INO80D: variants seen among roughly 807,000 people sequenced by gnomAD.
The protein encoded by INO80D is INO80 complex subunit D.
A neutral mutation model predicts 87.6 loss-of-function variants in INO80D; 21 were observed. The observed-to-expected ratio is 0.24, with a 90% CI of 0.17 to 0.35. The LOEUF is 0.35. INO80D is among the 10% of genes least tolerant of loss of function. The probability of loss-of-function intolerance (pLI) is 1.00; values close to 1 mark genes in which losing one functional copy is unlikely to be tolerated. For missense variants in INO80D, 982 were observed against 1,280.7 expected, an observed-to-expected ratio of 0.77 and a Z score of 3.56; for synonymous variants, 440 against 491.0, an observed-to-expected ratio of 0.90 and a Z score of 1.37.
In INO80D at chr2:206,084,315, C is replaced by T. The variant is rs981604600; in HGVS notation, c.-124+1586G>A. On this transcript the variant is annotated intron_variant, in intron 1 of 10. Transcript: ENST00000403263. ...GTTTTGCTAGGTTCCGAGGGCTCTT[C>T]CACAGACCCTTCTGAGTTGTAGCAA... Among the ~76,000 whole-genome samples the T allele has an allele frequency of 5.4e-4, 82 of 151,516 alleles. 1 individual carries two copies. The highest frequency in any genetic ancestry group is 3.4e-4 in the Non-Finnish European group (23 of 67,924).
In INO80D at chr2:205,994,107, G is replaced by C. The variant is rs1687764334; in HGVS notation, c.*10261C>G. 6.6e-6 allele frequency: 1 copy of C among 152,142 alleles called. No homozygotes were observed. The allele number at this position is 152,142 out of a possible 1,614,324, so 9.4% of individuals were successfully genotyped here. On this transcript the variant is annotated 3_prime_UTR_variant, in exon 11 of 11. Coordinates refer to ENST00000403263, the MANE Select transcript of INO80D (RefSeq NM_017759.5). ...ATGCCACAAGTATGCCTGTCCACCA[G>C]AACTGGGGGCTCTTACCAAAACCTG...
Position 206,004,520 on chromosome 2 carries a change from C to A in INO80D, c.2932G>T (p.Ala978Ser). The A allele has an allele frequency of 6.2e-7, 1 of 1,610,456 alleles. No individual in the cohort carries two copies. The highest frequency in any genetic ancestry group is 2.2e-5 in the East Asian group (1 of 44,756). ...PKQQLPQFSA[A>S]FGHQLSSHSG... Reference sequence around the variant, plus strand: ...TGAGAACTCAGCTGGTGGCCAAAGGCTGCGCTGAACTGAGGGAGTTGCTGC... The same window carrying A: ...TGAGAACTCAGCTGGTGGCCAAAGGATGCGCTGAACTGAGGGAGTTGCTGC... The change falls in exon 11 of 11, where the codon GCC (alanine) becomes TCC (serine). Residue 978 changes from alanine to serine, a missense_variant. Physicochemically the swap from Ala to Ser is moderately conservative, Grantham distance 99. Coordinates refer to ENST00000403263, the MANE Select transcript of INO80D (RefSeq NM_017759.5). This position sits in a 1 kb window ranked among gnomAD's most constrained non-coding sequence, Gnocchi z 4.9.
intron 1 of INO80D, among the ~76,000 whole-genome samples, chr2:206,078,839 G>T (rs1690195088): frequency 6.6e-6 from 1 of 152,104 alleles, no homozygotes; most frequent in African/African-American, 2.4e-5. Flanking sequence ...AGCTACTCGG[G>T]AGGCTGGGGC....
chr2:206,061,535 AT>A (rs1277662913), intron 3 of INO80D, among the ~76,000 whole-genome samples: 2 of 152,248 alleles, frequency 1.3e-5, no homozygotes, highest in East Asian at 3.8e-4. Flanking sequence ...CTAGACAGAT[AT>A]ATTTAGCCTA....
chr2:206,080,549 C>T (rs1690247811), intron 1 of INO80D, among the ~76,000 whole-genome samples: 1 of 152,100 alleles, frequency 6.6e-6, no homozygotes, highest in Admixed American at 6.6e-5. Flanking sequence ...TCTCTGTACT[C>T]AAATACTTAT....
intron 7 of INO80D, 118 bp downstream of exon 7, chr2:206,019,618 T>C: frequency 1.5e-6 from 1 of 661,476 alleles, no homozygotes; most frequent in Non-Finnish European, 2.5e-6. Flanking sequence ...GATAAAATTA[T>C]TTTAAACATT....
intron 5 of INO80D, among the ~76,000 whole-genome samples, chr2:206,032,641 TA>T (rs542308195): frequency 2.1e-3 from 327 of 152,298 alleles, no homozygotes; most frequent in Non-Finnish European, 3.3e-3. Context: ...CCCTACAAGC[TA>T]GAAGGGATTG....
At position 206,009,718 on chromosome 2, in the gene INO80D, G is replaced by T. The variant is rs1238655216; in HGVS notation, c.1619C>A (p.Pro540His). 1.9e-6 allele frequency: 3 copies of T among 1,613,966 alleles called. No homozygotes were observed. The highest frequency in any genetic ancestry group is 2.5e-6 in the Non-Finnish European group (3 of 1,179,882). ...QQRKPRKKTK[P>H]PALTKKHKKK... ...CTTGTGTTTTTTGGTTAGTGCAGGA[G>T]GCTTGGTTTTTTTCCTGGGTTTCCT... Residue 540 changes from proline (P) to histidine (H), a missense_variant, in exon 9 of 11, where the codon CCT (proline) becomes CAT (histidine). Coordinates refer to ENST00000403263, the MANE Select transcript of INO80D (RefSeq NM_017759.5).
In INO80D at chr2:206,062,615, A is replaced by AT. The variant is rs1220462395; in HGVS notation, c.218+183dup. Among the ~76,000 whole-genome samples, 1 of 152,204 alleles carries AT rather than the reference A, an allele frequency of 6.6e-6. No homozygotes were observed. Among genetic ancestry groups the AT allele is most frequent in the East Asian group, 1.9e-4 (1 of 5,198 alleles). On this transcript the variant is annotated intron_variant, in intron 3 of 10. Transcript: ENST00000403263. This position sits in a 1 kb window ranked among gnomAD's most constrained non-coding sequence, Gnocchi z 4.6. ...TTACTCTATTTTAAAAAATTGCCATATTTCATCTTTAAAAGTATTCCATAG... is the reference window on the plus strand; with the variant it reads ...TTACTCTATTTTAAAAAATTGCCATATTTTCATCTTTAAAAGTATTCCATAG...
At chr2:206,023,863 A>T (rs1688532746) in intron 6 of INO80D, among the ~76,000 whole-genome samples, 1 of 152,148 alleles carries the variant, frequency 6.6e-6, no homozygotes, top group South Asian at 2.1e-4. Flanking sequence ...TTGTTGTGGC[A>T]GTTATCATTA....
chr2:206,022,296 G>T (rs1307889047), intron 6 of INO80D, among the ~76,000 whole-genome samples: 1 of 151,326 alleles, frequency 6.6e-6, no homozygotes. Context: ...GAACCCAGGA[G>T]GTGGAGGTTG....
intron 8 of INO80D, among the ~76,000 whole-genome samples, chr2:206,014,806 T>A (rs1575802917): frequency 6.6e-6 from 1 of 152,240 alleles, no homozygotes; most frequent in South Asian, 2.1e-4. Context: ...TTTGGAGGGC[T>A]CAGAAGAAGA....
intron 8 of INO80D, among the ~76,000 whole-genome samples, chr2:206,015,655 C>G (rs187688278): frequency 6.6e-6 from 1 of 152,120 alleles, no homozygotes; most frequent in East Asian, 1.9e-4. Context: ...GAGGCTGAGG[C>G]GGGCAGATCA....
intron 1 of INO80D, among the ~76,000 whole-genome samples, chr2:206,078,919 C>A (rs1204034529): frequency 6.6e-6 from 1 of 152,012 alleles, no homozygotes. Context: ...CTAGGCTGGG[C>A]AACAGAGTGA....
chr2:206,019,713 A>G (rs1389884280), intron 7 of INO80D, 23 bp downstream of exon 7: 1 of 1,580,116 alleles, frequency 6.3e-7, no homozygotes, highest in East Asian at 2.2e-5. Flanking sequence ...TTCAATGCAC[A>G]TTCCATTTAG....
rs11556751 is a variant in INO80D, at chr2:206,086,018, C to A, written c.-241G>T. 2.0e-5 allele frequency: 3 copies of A among 152,470 alleles called. No individual in the cohort carries two copies. Among genetic ancestry groups the A allele is most frequent in the Admixed American group, 6.5e-5 (1 of 15,284 alleles). 9.4% of individuals were successfully genotyped at this position (152,470 alleles called of 1,614,324 possible). On this transcript the variant is annotated 5_prime_UTR_variant, in exon 1 of 11. Transcript: ENST00000403263. ...TCGGCTGCCGCTGCTACTGCTCCCCCCTGGGCTCCGGCGAGAGCCTTTCCC... is the reference window on the plus strand; with the variant it reads ...TCGGCTGCCGCTGCTACTGCTCCCCACTGGGCTCCGGCGAGAGCCTTTCCC...
intron 6 of INO80D, 39 bp from the exon 7 acceptor site, chr2:206,019,884 G>T: frequency 6.7e-7 from 1 of 1,494,970 alleles, no homozygotes; most frequent in Non-Finnish European, 9.2e-7. Context: ...TTTTTTTAAT[G>T]CTTTAAGAAT....
At chr2:206,039,337 C>T (rs818014) in intron 5 of INO80D, among the ~76,000 whole-genome samples, 60,432 of 151,612 alleles carry the variant, frequency 0.4, 13,111 homozygotes, top group South Asian at 0.62. Flanking sequence ...GCAGACATTG[C>T]GGTGAGCCGA....
At position 205,995,155 on chromosome 2, in the gene INO80D, G is replaced by A. The variant is rs989172768; in HGVS notation, c.*9213C>T. 2.0e-5 allele frequency: 3 copies of A among 152,066 alleles called. No homozygotes were observed. The highest frequency in any genetic ancestry group is 4.8e-5 in the African/African-American group (2 of 41,402). 9.4% of individuals were successfully genotyped at this position (152,066 alleles called of 1,614,324 possible). ...GAGATGGTGGCTGACATACACTAAC[G>A]GAAATATTAGGATTGCTTTATAAGT... On this transcript the variant is annotated 3_prime_UTR_variant, in exon 11 of 11. Coordinates refer to ENST00000403263, the MANE Select transcript of INO80D (RefSeq NM_017759.5).
Sources: gnomAD v4.1 joint callset for allele counts (sites outside exome capture counted in the v4.1 genomes callset) on GRCh38, gnomAD v4.1.1 for gene constraint, Gnocchi (gnomAD v3.1) non-coding constraint, MANE v1.5 for transcripts, NCBI Gene and HGNC (gene_info 2026-07-23, HGNC 2026-07-21) for gene names.